Variants in EYA1 observed in about 807,000 individuals in gnomAD.
EYA1 encodes the protein protein phosphatase EYA1.
Under a neutral mutation model 82.0 loss-of-function variants are expected in EYA1, and 16 were observed. That is an observed-to-expected ratio of 0.20 (90% CI 0.13 to 0.30). The LOEUF (loss-of-function observed/expected upper bound fraction) is 0.30. Ranked by LOEUF, EYA1 falls within the 10% of genes least tolerant of loss-of-function variation. The probability of loss-of-function intolerance (pLI) is 1.00; values close to 1 mark genes in which losing one functional copy is unlikely to be tolerated. For synonymous variants in EYA1, 261 were observed against 264.4 expected (o/e 0.99, Z 0.12); for missense variants, 633 against 730.7 (o/e 0.87, Z 1.54).
At chr8:71,275,744 A>G (rs1033675507) in intron 9 of EYA1, among the ~76,000 whole-genome samples, 3 of 152,232 alleles carry the variant, frequency 2.0e-5, no homozygotes, top group African/African-American at 7.2e-5. Flanking sequence ...CTACATGGCA[A>G]TAATACAGAT....
chr8:71,208,788 C>CAATACTTTCAATTCTA (rs1808158314), intron 17 of EYA1, among the ~76,000 whole-genome samples: 1 of 152,204 alleles, frequency 6.6e-6, no homozygotes, highest in African/African-American at 2.4e-5. Context: ...CTAGCCCTAT[C>CAATACTTTCAATTCTA]AATACTTTCA....
chr8:71,376,401 G>A (rs910562807), intron 2 of EYA1, among the ~76,000 whole-genome samples: 1 of 152,172 alleles, frequency 6.6e-6, no homozygotes, highest in African/African-American at 2.4e-5. Flanking sequence ...GTTACTAAAG[G>A]TGGCTTTTGT....
chr8:71,255,623 G>A (rs1029857434), intron 11 of EYA1, among the ~76,000 whole-genome samples: 1 of 152,026 alleles, frequency 6.6e-6, no homozygotes, highest in Non-Finnish European at 1.5e-5. Context: ...CTAAATGAAA[G>A]ACCTAAAATA....
chr8:71,371,851 A>G (rs559085008), intron 2 of EYA1, among the ~76,000 whole-genome samples: 2 of 152,252 alleles, frequency 1.3e-5, no homozygotes, highest in Non-Finnish European at 2.9e-5. Context: ...AAAAAGTAAG[A>G]TCACAGGAAA....
chr8:71,343,806 C>T (rs1336483150), intron 3 of EYA1, among the ~76,000 whole-genome samples: 1 of 152,134 alleles, frequency 6.6e-6, no homozygotes, highest in East Asian at 1.9e-4. Flanking sequence ...GTACCATATA[C>T]CTCTTCATAT....
At chr8:71,214,470 A>C (rs1448057480) in intron 16 of EYA1, among the ~76,000 whole-genome samples, 1 of 152,140 alleles carries the variant, frequency 6.6e-6, no homozygotes, top group Admixed American at 6.6e-5. Flanking sequence ...TTTCATAGAC[A>C]CTTGGCCTCT....
intron 2 of EYA1, among the ~76,000 whole-genome samples, chr8:71,416,361 G>A (rs545757037): frequency 1.3e-5 from 2 of 152,296 alleles, no homozygotes; most frequent in African/African-American, 4.8e-5. Context: ...TGTGTAAACA[G>A]TCCTTTATTC....
At chr8:71,500,090 G>T (rs1431311055) in intron 2 of EYA1, among the ~76,000 whole-genome samples, 2 of 152,166 alleles carry the variant, frequency 1.3e-5, no homozygotes, top group Non-Finnish European at 2.9e-5. Flanking sequence ...TGCTCTCCAT[G>T]TCCTGTGTAA....
intron 2 of EYA1, among the ~76,000 whole-genome samples, chr8:71,370,031 T>C (rs910596671): frequency 2.6e-5 from 4 of 151,930 alleles, no homozygotes; most frequent in African/African-American, 9.7e-5. Context: ...CAATTCAGTT[T>C]TAGGTTAAAA....
intron 12 of EYA1, among the ~76,000 whole-genome samples, chr8:71,240,693 A>G (rs181319900): frequency 5.4e-4 from 83 of 152,334 alleles, no homozygotes; most frequent in African/African-American, 1.5e-3. Flanking sequence ...CAGACAGAAG[A>G]AGAAAATTCA....
At chr8:71,350,800 T>G (rs1023899671) in intron 3 of EYA1, among the ~76,000 whole-genome samples, 2 of 152,304 alleles carry the variant, frequency 1.3e-5, no homozygotes, top group Admixed American at 1.3e-4. Flanking sequence ...ATATATGAAC[T>G]GACCAATCTT....
chr8:71,465,385 G>T (rs1018195830), intron 2 of EYA1, among the ~76,000 whole-genome samples: 1 of 152,174 alleles, frequency 6.6e-6, no homozygotes, highest in Non-Finnish European at 1.5e-5. Context: ...CACTTTAGGG[G>T]GCTGAGGCAG....
chr8:71,368,918 G>A (rs1219202503), intron 2 of EYA1, among the ~76,000 whole-genome samples: 2 of 151,720 alleles, frequency 1.3e-5, no homozygotes, highest in African/African-American at 4.8e-5. Flanking sequence ...GCCGGGCGCG[G>A]TGGCTCACCC....
chr8:71,482,093 A>G (rs1461872723), intron 2 of EYA1, among the ~76,000 whole-genome samples: 1 of 152,190 alleles, frequency 6.6e-6, no homozygotes, highest in African/African-American at 2.4e-5. Flanking sequence ...AAACGCCATT[A>G]AGAAAGTGAA....
At chr8:71,319,058 C>A (rs111477321) in intron 6 of EYA1, among the ~76,000 whole-genome samples, 14 of 152,128 alleles carry the variant, frequency 9.2e-5, no homozygotes, top group African/African-American at 3.1e-4. Flanking sequence ...GGATTTTCCA[C>A]CTCTTGCTGC....
chr8:71,394,840 T>C (rs1238584526), intron 2 of EYA1, among the ~76,000 whole-genome samples: 3 of 152,186 alleles, frequency 2.0e-5, no homozygotes, highest in African/African-American at 7.2e-5. Context: ...AAGTCATTGG[T>C]AGCTTGATGG....
chr8:71,368,298 G>GCGTA (rs1436350667), intron 2 of EYA1, among the ~76,000 whole-genome samples: 2 of 151,998 alleles, frequency 1.3e-5, no homozygotes, highest in African/African-American at 4.8e-5. Flanking sequence ...CGCCCGTAGA[G>GCGTA]GAGCCCTCTG....
chr8:71,227,518 CTTTCT>C (rs776256655), intron 12 of EYA1, among the ~76,000 whole-genome samples: 40 of 152,256 alleles, frequency 2.6e-4, no homozygotes, highest in African/African-American at 9.1e-4. Context: ...TCTGCAACGG[CTTTCT>C]TTTAACTTTC....
chr8:71,299,058 T>C lies in EYA1; in HGVS notation c.815A>G (p.Asp272Gly), dbSNP rs748966524. ...PSGITSQAVT[D>G]PTAEYSTIHS... ...ATTCACATAATTACCTGCTGTGGGA[T>C]CTGTAACTGCTTGGCTGGTGATGCC... The change falls in exon 9 of 18, where the codon GAT becomes GGT. Residue 272 changes from aspartate to glycine, a missense_variant. Asp to Gly is a moderately conservative substitution (Grantham distance 94). Transcript: ENST00000340726. 1.9e-6 allele frequency: 3 copies of C among 1,614,034 alleles called. No individual in the cohort carries two copies. The highest frequency in any genetic ancestry group is 2.5e-6 in the Non-Finnish European group (3 of 1,179,910).
Sources: gnomAD v4.1 joint callset for allele counts (sites outside exome capture counted in the v4.1 genomes callset) on GRCh38, gnomAD v4.1.1 for gene constraint, MANE v1.5 for transcripts, NCBI Gene and HGNC (gene_info 2026-07-23, HGNC 2026-07-21) for gene names.